The following ZP4 variants were observed in gnomAD, a reference collection of about 807,000 sequenced individuals.
ZP4 encodes the protein zona pellucida glycoprotein 4.
A neutral mutation model predicts 62.3 loss-of-function variants in ZP4; 62 were observed. That is an observed-to-expected ratio of 0.99 (90% CI 0.81 to 1.23). The LOEUF is 1.23. Ranked by LOEUF, ZP4 falls within the 50% of genes most tolerant of loss-of-function variation. The probability of loss-of-function intolerance (pLI) is 0.00; values close to 1 mark genes in which losing one functional copy is unlikely to be tolerated. For missense variants in ZP4, 774 were observed against 656.0 expected, an observed-to-expected ratio of 1.18 and a Z score of -1.97; for synonymous variants, 289 against 247.3, an observed-to-expected ratio of 1.17 and a Z score of -1.58.
chr1:237,890,290 G>C (rs191031482), intron 1 of ZP4, 114 bp from the exon 2 acceptor site: 4 of 1,550,794 alleles, frequency 2.6e-6, no homozygotes, highest in Non-Finnish European at 3.5e-6. Context: ...AGGAACAAGA[G>C]GGAAATCAGA....
intron 6 of ZP4, 66 bp from the exon 7 acceptor site, chr1:237,885,952 T>G: frequency 1.3e-6 from 2 of 1,596,476 alleles, no homozygotes; most frequent in East Asian, 4.5e-5. Context: ...CATCCTTTCT[T>G]TTTAACTCAA....
At position 237,889,875 on chromosome 1, in the gene ZP4, T is replaced by C. The variant is rs1254677991; in HGVS notation, c.392A>G (p.Asp131Gly). ...TERKLLKCPM[D>G]LLARDAPDTD... ...GAGCTTCCAGCCTTTACCTAGAAGATCCATAGGACACTTGAGCAGCTTCCT... is the reference window on the plus strand; with the variant it reads ...GAGCTTCCAGCCTTTACCTAGAAGACCCATAGGACACTTGAGCAGCTTCCT... Residue 131 changes from aspartate (D) to glycine (G), a missense_variant, in exon 3 of 12, where the codon GAT becomes GGT. Physicochemically the swap from Asp to Gly is moderately conservative, Grantham distance 94 (BLOSUM62 -1). Coordinates refer to ENST00000366570, the MANE Select transcript of ZP4 (RefSeq NM_021186.5). 1.9e-6 allele frequency: 3 copies of C among 1,589,048 alleles called. No homozygotes were observed. The highest frequency in any genetic ancestry group is 3.4e-5 in the Admixed American group (2 of 58,776).
intron 10 of ZP4, 59 bp from the exon 11 acceptor site, chr1:237,882,905 G>T: frequency 6.8e-7 from 1 of 1,477,388 alleles, no homozygotes. Flanking sequence ...GGCAGGGATA[G>T]AAAATGTTAT....
rs1290431422 is a variant in ZP4 at position 237,888,366 on chromosome 1, C to T, written c.545G>A (p.Gly182Glu). 1.9e-6 allele frequency: 3 copies of T among 1,582,020 alleles called. No individual in the cohort carries two copies. Among genetic ancestry groups the T allele is most frequent in the Non-Finnish European group, 1.7e-6 (2 of 1,157,018 alleles). ...SSEEVNSCYYGNTVTLHCTRE... is the reference protein window; with the variant it reads ...SSEEVNSCYYENTVTLHCTRE... ...TGTGCTCACTTACTCACCAGTGTTT[C>T]CATAGTAGCAGGAATTCACCTCTTC... Residue 182 changes from glycine (G) to glutamate (E), a missense_variant, in exon 4 of 12, where the codon GGA becomes GAA. By Grantham distance (98) the Gly-to-Glu change is moderately conservative (BLOSUM62 -2). Coordinates refer to ENST00000366570, the MANE Select transcript of ZP4 (RefSeq NM_021186.5).
At chr1:237,884,063 A>AACACAC (rs1241192850) in intron 10 of ZP4, among the ~76,000 whole-genome samples, 6 of 137,934 alleles carry the variant, frequency 4.3e-5, no homozygotes, top group African/African-American at 1.9e-4. Flanking sequence ...AACACACACA[A>AACACAC]ACACACACAA....
At chr1:237,883,956 T>TCACACACACACA (rs142077564) in intron 10 of ZP4, among the ~76,000 whole-genome samples, 2 of 127,130 alleles carry the variant, frequency 1.6e-5, no homozygotes, top group Non-Finnish European at 3.2e-5. Flanking sequence ...CAAGAACTGG[T>TCACACACACACA]CACACACACA....
At chr1:237,890,303 C>G (rs1041066577) in intron 1 of ZP4, 127 bp from the exon 2 acceptor site, 2 of 1,526,108 alleles carry the variant, frequency 1.3e-6, no homozygotes, top group Non-Finnish European at 1.8e-6. Flanking sequence ...AAATCAGATT[C>G]AGATCAGATG....
rs1363413220 is a variant in ZP4 at position 237,885,561 on chromosome 1, G to T, written c.990C>A (p.Tyr330Ter). Residue 330 changes from tyrosine (Y) to a stop codon, truncating the protein, a stop_gained, in exon 8 of 12, where the codon TAC becomes TAA. Transcript: ENST00000366570. LOFTEE classifies it high-confidence loss of function. ...CCACTGGGTAGTCACCAACACCGTA[G>T]TAAGAGCCATAGTTTTTATCTGCAA... ...QIAKDKNYGS[Y>*]YGVGDYPVVK... The T allele has an allele frequency of 4.3e-6, 7 of 1,613,498 alleles. No individual in the cohort carries two copies. Among genetic ancestry groups the T allele is most frequent in the South Asian group, 1.1e-5 (1 of 90,954 alleles).
chr1:237,882,645 A>G (rs1348497882), intron 11 of ZP4, 96 bp from the exon 12 acceptor site: 5 of 1,574,494 alleles, frequency 3.2e-6, no homozygotes, highest in Non-Finnish European at 4.3e-6. Context: ...AGGAAGGTCA[A>G]TTTCTTTTGA....
intron 7 of ZP4, 56 bp downstream of exon 7, chr1:237,885,700 C>T: frequency 1.2e-6 from 2 of 1,604,126 alleles, no homozygotes; most frequent in Non-Finnish European, 1.7e-6. Context: ...GGTCTTCATG[C>T]CCCAGAAGAC....
chr1:237,888,558 T>C (rs747544457), intron 3 of ZP4, 48 bp from the exon 4 acceptor site: 1 of 1,535,370 alleles, frequency 6.5e-7, no homozygotes, highest in Non-Finnish European at 8.8e-7. Flanking sequence ...GAAAAGTTAG[T>C]CTTGAATACC....
chr1:237,890,484 G>A lies in ZP4; in HGVS notation c.152C>T (p.Ser51Phe). The A allele has an allele frequency of 6.2e-7, 1 of 1,613,756 alleles. No homozygotes were observed. The highest frequency in any genetic ancestry group is 8.5e-7 in the Non-Finnish European group (1 of 1,179,904). Residue 51 changes from serine to phenylalanine, a missense_variant, in exon 1 of 12, where the codon TCT (serine) becomes TTT (phenylalanine). Transcript: ENST00000366570. ...FAVNLNQEAT[S>F]PPVLIAWDNQ... ...ACCCCAAGCTATTAGTACAGGAGGA[G>A]ACGTTGCCTCCTGGTTGAGGTTTAC...
At chr1:237,884,168 G>A (rs1330068158) in intron 10 of ZP4, among the ~76,000 whole-genome samples, 2 of 152,064 alleles carry the variant, frequency 1.3e-5, no homozygotes. Flanking sequence ...TCATTCTTTA[G>A]AAGTAGTGAT....
chr1:237,888,095 CAGTT>C (rs910138685), intron 4 of ZP4, among the ~76,000 whole-genome samples: 3 of 152,206 alleles, frequency 2.0e-5, no homozygotes, highest in Admixed American at 6.5e-5. Context: ...AAGTTTCTGT[CAGTT>C]AGAAGTTATC....
At position 237,885,330 on chromosome 1, in the gene ZP4, C is replaced by T. The variant is rs751971386; in HGVS notation, c.1161-15G>A. ...TGTAGGGGCAGCTAGACCAAGAGAC[C>T]CAGCAGTCAGGATGGGCTTCTTTGA... On this transcript the variant is annotated splice_polypyrimidine_tract_variant and intron_variant, in intron 8 of 11. Coordinates refer to ENST00000366570, the MANE Select transcript of ZP4 (RefSeq NM_021186.5). The T allele has an allele frequency of 6.2e-7, 1 of 1,613,202 alleles. No homozygotes were observed. The highest frequency in any genetic ancestry group is 1.7e-5 in the Admixed American group (1 of 59,886).
At chr1:237,882,901 G>A (rs180674984) in intron 10 of ZP4, 55 bp from the exon 11 acceptor site, 60 of 1,493,980 alleles carry the variant, frequency 4.0e-5, no homozygotes, top group Admixed American at 8.8e-5. Flanking sequence ...ATAGGGCAGG[G>A]ATAGAAAATG....
In ZP4 at chr1:237,882,723, C is replaced by G. The variant is rs756083005; in HGVS notation, c.1495+19G>C. On this transcript the variant is annotated intron_variant, in intron 11 of 11. Coordinates refer to ENST00000366570, the MANE Select transcript of ZP4 (RefSeq NM_021186.5). ...TAATTTAGTTCACTAGTTTGATCTCCTCCCTCTTGGATACTTACGGAGCTT... is the reference window on the plus strand; with the variant it reads ...TAATTTAGTTCACTAGTTTGATCTCGTCCCTCTTGGATACTTACGGAGCTT... 3.1e-6 allele frequency: 5 copies of G among 1,611,236 alleles called. No individual in the cohort carries two copies. In the South Asian group the frequency reaches 5.5e-5, roughly 18 times the overall value.
chr1:237,888,852 G>T (rs935050546), intron 3 of ZP4, among the ~76,000 whole-genome samples: 3 of 152,162 alleles, frequency 2.0e-5, no homozygotes, highest in Non-Finnish European at 4.4e-5. Flanking sequence ...GTTTGGATAT[G>T]AGTTATCTGA....
rs1363020968 is a variant in ZP4, at chr1:237,890,185, G to A, written c.176-9C>T. On this transcript the variant is annotated splice_polypyrimidine_tract_variant and intron_variant, in intron 1 of 11. Coordinates refer to ENST00000366570, the MANE Select transcript of ZP4 (RefSeq NM_021186.5). Reference sequence around the variant, plus strand: ...CAGCAGCCCTTGGTTGTCTGGAGGGGTGGGGAAGAGGTGAGAAAACACAGC... The same window carrying A: ...CAGCAGCCCTTGGTTGTCTGGAGGGATGGGGAAGAGGTGAGAAAACACAGC... The A allele has an allele frequency of 6.2e-7, 1 of 1,613,726 alleles. No individual in the cohort carries two copies. The highest frequency in any genetic ancestry group is 2.2e-5 in the East Asian group (1 of 44,852).
Sources: allele counts gnomAD v4.1 joint callset (sites outside exome capture counted in the v4.1 genomes callset), GRCh38; gene constraint gnomAD v4.1.1; transcripts MANE v1.5; gene names NCBI Gene and HGNC (gene_info 2026-07-23, HGNC 2026-07-21).